The following SMURF1 variants were observed in gnomAD, a reference collection of about 807,000 sequenced individuals.
SMURF1 encodes E3 ubiquitin-protein ligase SMURF1.
A neutral mutation model predicts 98.0 loss-of-function variants in SMURF1; 44 were observed. The ratio of observed to expected loss-of-function variants is 0.45; its 90% CI spans 0.35 to 0.58. The LOEUF (loss-of-function observed/expected upper bound fraction) is 0.58. Among genes scored for constraint, SMURF1 ranks in the 20% least tolerant of loss-of-function variants. The pLI, the probability that SMURF1 is intolerant of heterozygous loss-of-function variation, is 0.00. For missense variants in SMURF1, 687 were observed against 938.4 expected, an observed-to-expected ratio of 0.73 and a Z score of 3.50; for synonymous variants, 396 against 374.9, an observed-to-expected ratio of 1.06 and a Z score of -0.65.
At chr7:99,081,512 T>G (rs1796577076) in intron 1 of SMURF1, 1 of 152,196 alleles carries the variant, frequency 6.6e-6, no homozygotes, top group Admixed American at 6.5e-5. Context: ...AACTGCCACA[T>G]CAGACAGGAA....
intron 6 of SMURF1, among the ~76,000 whole-genome samples, 160 bp from the exon 7 acceptor site, chr7:99,052,606 T>C (rs538226217): frequency 1.4e-4 from 21 of 152,288 alleles, no homozygotes; most frequent in African/African-American, 4.8e-4. Flanking sequence ...AAATTCACCA[T>C]GTGCCACTCA....
rs781442215 is a variant in SMURF1 at position 99,040,490 on chromosome 7, T to C, written c.1438A>G (p.Ile480Val). The C allele has an allele frequency of 9.1e-5, 144 of 1,588,410 alleles. No homozygotes were observed. Among genetic ancestry groups the C allele is most frequent in the Non-Finnish European group, 1.2e-4 (140 of 1,167,414 alleles). The change falls in exon 13 of 18, where the codon ATC (isoleucine) becomes GTC (valine). Residue 480 changes from isoleucine to valine, a missense_variant. Coordinates refer to ENST00000361368, the MANE Select transcript of SMURF1 (RefSeq NM_181349.3). ...MGLAVFHGHY[I>V]NGGFTVPFYK... ...AAGGGCACTGTGAAGCCCCCGTTGA[T>C]GTAGTGTCCATGGAACACAGCCAGC...
chr7:99,038,747 A>G (rs1420189301), intron 13 of SMURF1, among the ~76,000 whole-genome samples: 1 of 152,142 alleles, frequency 6.6e-6, no homozygotes, highest in East Asian at 1.9e-4. Context: ...CCACAGTCAT[A>G]GAAGGCGGGC....
intron 1 of SMURF1, among the ~76,000 whole-genome samples, chr7:99,087,142 G>T (rs1796699971): frequency 6.6e-6 from 1 of 151,986 alleles, no homozygotes; most frequent in African/African-American, 2.4e-5. Context: ...GGTCAAGGGG[G>T]AAGAATCACT....
intron 1 of SMURF1, among the ~76,000 whole-genome samples, chr7:99,064,151 G>A (rs969625741): frequency 1.3e-5 from 2 of 152,126 alleles, no homozygotes; most frequent in East Asian, 3.8e-4. Flanking sequence ...CTTTTAATAT[G>A]TCGCTATATT....
In SMURF1 at chr7:99,143,797, G is replaced by C. The variant is rs1292246882; in HGVS notation, c.-17C>G. Reference sequence around the variant, plus strand: ...GTTCGACATCTCCCGCCAACGATCGGGCAGCCGCGGATCCAGCGCCACCGC... The same window carrying C: ...GTTCGACATCTCCCGCCAACGATCGCGCAGCCGCGGATCCAGCGCCACCGC... On this transcript the variant is annotated 5_prime_UTR_variant, in exon 1 of 18. Transcript: ENST00000361368. 7.1e-6 allele frequency: 11 copies of C among 1,550,132 alleles called. No individual in the cohort carries two copies. Among genetic ancestry groups the C allele is most frequent in the Non-Finnish European group, 9.6e-6 (11 of 1,151,712 alleles).
At chr7:99,065,707 C>A (rs1275507848) in intron 1 of SMURF1, among the ~76,000 whole-genome samples, 1 of 152,120 alleles carries the variant, frequency 6.6e-6, no homozygotes, top group Non-Finnish European at 1.5e-5. Context: ...GAAACCTAGT[C>A]CTCTCCCAGG....
chr7:99,139,876 C>T (rs1458137726), intron 1 of SMURF1, among the ~76,000 whole-genome samples: 2 of 152,122 alleles, frequency 1.3e-5, no homozygotes, highest in Non-Finnish European at 2.9e-5. Context: ...CAACAGTTTT[C>T]AAAAACAATC....
rs1356208574 is a variant in SMURF1, at chr7:99,029,451, C to T, written c.*1133G>A. The T allele has an allele frequency of 6.6e-6, 1 of 152,232 alleles. No individual in the cohort carries two copies. The highest frequency in any genetic ancestry group is 2.4e-5 in the African/African-American group (1 of 41,452). 9.4% of individuals were successfully genotyped at this position (152,232 alleles called of 1,614,324 possible). A position where few individuals can be genotyped will look rare whatever the true frequency, so the allele number is the denominator to read the frequency against. On this transcript the variant is annotated 3_prime_UTR_variant, in exon 18 of 18. Coordinates refer to ENST00000361368, the MANE Select transcript of SMURF1 (RefSeq NM_181349.3). ...TGAACCGAGTAGCAATCGTTAGTGTCACCAGCTGCCACTGGGAAAGGGGCC... is the reference window on the plus strand; with the variant it reads ...TGAACCGAGTAGCAATCGTTAGTGTTACCAGCTGCCACTGGGAAAGGGGCC...
intron 1 of SMURF1, among the ~76,000 whole-genome samples, chr7:99,067,785 C>G (rs1796229987): frequency 1.3e-5 from 2 of 152,082 alleles, no homozygotes; most frequent in African/African-American, 4.8e-5. Context: ...AATCCTGTCT[C>G]TACTAAAAAT....
At chr7:99,122,632 A>C (rs1797660674) in intron 1 of SMURF1, among the ~76,000 whole-genome samples, 1 of 119,896 alleles carries the variant, frequency 8.3e-6, no homozygotes, top group African/African-American at 2.7e-5. Context: ...TGACAGAGCG[A>C]GATTCCGTGT....
chr7:99,062,233 G>T (rs1364404672), intron 1 of SMURF1, among the ~76,000 whole-genome samples: 1 of 151,766 alleles, frequency 6.6e-6, no homozygotes, highest in East Asian at 1.9e-4. Context: ...CAGTAGCTAG[G>T]ATTATAGGCA....
chr7:99,095,334 C>A (rs1486279090), intron 1 of SMURF1, among the ~76,000 whole-genome samples: 2 of 152,180 alleles, frequency 1.3e-5, no homozygotes, highest in African/African-American at 2.4e-5. Flanking sequence ...CCCACCTCAG[C>A]CTCCTAAAGT....
At chr7:99,124,828 T>C (rs1399819495) in intron 1 of SMURF1, among the ~76,000 whole-genome samples, 1 of 152,186 alleles carries the variant, frequency 6.6e-6, no homozygotes, top group Non-Finnish European at 1.5e-5. Context: ...TGAATGCCAC[T>C]GCGCTTTATC....
At chr7:99,044,893 T>G (rs916488186) in intron 11 of SMURF1, among the ~76,000 whole-genome samples, 1 of 152,202 alleles carries the variant, frequency 6.6e-6, no homozygotes, top group Non-Finnish European at 1.5e-5. Flanking sequence ...CTCAGCACTT[T>G]GGGAGGCCAA....
At chr7:99,063,461 TTC>T (rs1484765805) in intron 1 of SMURF1, among the ~76,000 whole-genome samples, 1 of 149,688 alleles carries the variant, frequency 6.7e-6, no homozygotes, top group African/African-American at 2.5e-5. Context: ...CCCAACTAAC[TTC>T]TTTTTTTAAA....
intron 1 of SMURF1, among the ~76,000 whole-genome samples, chr7:99,105,564 G>C (rs1797177528): frequency 6.6e-6 from 1 of 152,148 alleles, no homozygotes; most frequent in African/African-American, 2.4e-5. Context: ...CCATGTTATA[G>C]GTGAGAAAAC....
At chr7:99,034,131 C>T (rs2150493736) in intron 16 of SMURF1, among the ~76,000 whole-genome samples, 1 of 152,264 alleles carries the variant, frequency 6.6e-6, no homozygotes, top group South Asian at 2.1e-4. Context: ...CAGGCCACAC[C>T]CTCCAAGCCC....
chr7:99,143,805 C>G lies in SMURF1; in HGVS notation c.-25G>C, dbSNP rs768012736. ...TCTCCCGCCAACGATCGGGCAGCCG[C>G]GGATCCAGCGCCACCGCCCCCCAGC... On this transcript the variant is annotated 5_prime_UTR_variant, in exon 1 of 18. Transcript: ENST00000361368. 11 of 1,531,120 alleles carry G rather than the reference C, an allele frequency of 7.2e-6. No individual in the cohort carries two copies. The South Asian group carries it at 1.3e-4, about 18-fold the overall frequency. 94.8% of individuals were successfully genotyped at this position (1,531,120 alleles called of 1,614,324 possible).
Sources: gnomAD v4.1 joint callset for allele counts (sites outside exome capture counted in the v4.1 genomes callset) on GRCh38, gnomAD v4.1.1 for gene constraint, MANE v1.5 for transcripts, NCBI Gene and HGNC (gene_info 2026-07-23, HGNC 2026-07-21) for gene names.